LRRN2: variants seen among roughly 807,000 people sequenced by gnomAD.
LRRN2 encodes leucine-rich repeat neuronal protein 2.
Under a neutral mutation model 35.7 loss-of-function variants are expected in LRRN2, and 10 were observed. That is an observed-to-expected ratio of 0.28 (90% CI 0.17 to 0.47). The LOEUF (loss-of-function observed/expected upper bound fraction) is 0.47, where lower values mean the gene tolerates loss of function less well. Ranked by LOEUF, LRRN2 falls within the 20% of genes least tolerant of loss-of-function variation. The pLI is 0.99. For missense variants in LRRN2, 731 were observed against 940.3 expected, an observed-to-expected ratio of 0.78 and a Z score of 2.91; for synonymous variants, 391 against 409.6, an observed-to-expected ratio of 0.95 and a Z score of 0.55.
chr1:204,644,599 C>T (rs1013050005), intron 1 of LRRN2, among the ~76,000 whole-genome samples: 1 of 152,200 alleles, frequency 6.6e-6, no homozygotes, highest in African/African-American at 2.4e-5. Context: ...CAGTTGTCAT[C>T]TCCTTTGTGA....
In LRRN2 at chr1:204,634,859, G is replaced by T. The variant is rs144291188; in HGVS notation, c.-226-14641C>A. Among the ~76,000 whole-genome samples, 524 of 152,340 alleles carry T rather than the reference G, an allele frequency of 3.4e-3. 2 individuals are homozygous for T. The highest frequency in any genetic ancestry group is 7.9e-3 in the Admixed American group (121 of 15,304). ...TTACTAACTGTGCAAGCTTGGGCAA[G>T]ATGCTTTATTTCTATGAGCCTCAGT... On this transcript the variant is annotated intron_variant, in intron 1 of 1. Transcript: ENST00000367177.
At chr1:204,629,976 A>T (rs537459657) in intron 1 of LRRN2, among the ~76,000 whole-genome samples, 141 of 152,260 alleles carry the variant, frequency 9.3e-4, no homozygotes, top group African/African-American at 3.3e-3. Context: ...GGGGGTTAAA[A>T]ACCTATATAT....
rs189423986 is a variant in LRRN2, at chr1:204,647,642, A to C, written c.-226-27424T>G. On this transcript the variant is annotated intron_variant, in intron 1 of 1. Coordinates refer to ENST00000367177, the MANE Select transcript of LRRN2 (RefSeq NM_201630.2). ...CCCAAAGGAGAAGGGCTGGTCCCTG[A>C]GAGCAGTAGGAAGTGAAAGAGAAGC... is the stretch of plus-strand genomic sequence containing the variant. Among the ~76,000 whole-genome samples, 473 of 152,288 alleles carry C rather than the reference A, an allele frequency of 3.1e-3. 1 individual carries two copies. The highest frequency in any genetic ancestry group is 6.2e-3 in the African/African-American group (258 of 41,544).
At chr1:204,654,033 CAAAA>C (rs56179230) in intron 1 of LRRN2, among the ~76,000 whole-genome samples, 41 of 84,288 alleles carry the variant, frequency 4.9e-4, no homozygotes, top group South Asian at 8.8e-4. Flanking sequence ...GAGACCCTGA[CAAAA>C]AAAAAAAAAA....
rs60084787 is a variant in LRRN2, at chr1:204,671,403, TTGTGTG to T, written c.-227+13911_-227+13916del. Among the ~76,000 whole-genome samples the T allele has an allele frequency of 7.0e-4, 86 of 122,990 alleles. 1 individual carries two copies. The highest frequency in any genetic ancestry group is 2.5e-3 in the African/African-American group (83 of 33,762). 80.7% of individuals were successfully genotyped at this position (122,990 alleles called of 152,430 possible). A position where few individuals can be genotyped will look rare whatever the true frequency, so the allele number is the denominator to read the frequency against. On this transcript the variant is annotated intron_variant, in intron 1 of 1. Transcript: ENST00000367177. ...TAGAAGTAGCAATCTGTTTGTGTGT[TTGTGTG>T]TGTGTGTGTGTGTGTGTGTGTGTGT...
In LRRN2 at chr1:204,618,777, G is replaced by A. The variant is rs769165916; in HGVS notation, c.1216C>T (p.Leu406Phe). The A allele has an allele frequency of 6.2e-7, 1 of 1,613,684 alleles. No individual in the cohort carries two copies. The highest frequency in any genetic ancestry group is 8.5e-7 in the Non-Finnish European group (1 of 1,179,788). The change falls in exon 2 of 2, where the codon CTC becomes TTC. Residue 406 changes from leucine to phenylalanine, a missense_variant. Coordinates refer to ENST00000367177, the MANE Select transcript of LRRN2 (RefSeq NM_201630.2). The stretch of plus-strand genomic sequence containing the variant: ...CGGAAGGGCACCTCACGGACCGGGA[G>A]GCGCTGGAGGTCCGGAGGCTCCGCA... ...LCAEPPDLQR[L>F]PVREVPFREM...
At chr1:204,669,776 G>T (rs1398191338) in intron 1 of LRRN2, among the ~76,000 whole-genome samples, 4 of 152,222 alleles carry the variant, frequency 2.6e-5, no homozygotes, top group African/African-American at 9.6e-5. Flanking sequence ...AGAGTGCAGA[G>T]CATGAGGGAG....
At chr1:204,644,568 AT>A (rs1668059192) in intron 1 of LRRN2, among the ~76,000 whole-genome samples, 1 of 152,094 alleles carries the variant, frequency 6.6e-6, no homozygotes, top group African/African-American at 2.4e-5. Context: ...GGAGCTCATA[AT>A]TATCCTCCAA....
At chr1:204,653,391 C>T (rs1433012913) in intron 1 of LRRN2, among the ~76,000 whole-genome samples, 2 of 152,220 alleles carry the variant, frequency 1.3e-5, no homozygotes, top group African/African-American at 4.8e-5. Context: ...CTTCACACCT[C>T]TCTGATTTCT....
chr1:204,619,850 C>G lies in LRRN2; in HGVS notation c.143G>C (p.Arg48Pro), dbSNP rs746280603. ...RPWYTPRSSYREATTVDCNDL... is the reference protein window; with the variant it reads ...RPWYTPRSSYPEATTVDCNDL... ...ATTGCAGTCCACAGTGGTAGCCTCG[C>G]GGTAGGACGAGCGGGGCGTATACCA... Residue 48 changes from arginine (R) to proline (P), a missense_variant, in exon 2 of 2, where the codon CGC becomes CCC. Arg to Pro is a moderately radical substitution (Grantham distance 103). Around this residue, in one of 3 missense-constraint regions of LRRN2, gnomAD observed 246 missense variants for 289.5 expected, o/e 0.85. Coordinates refer to ENST00000367177, the MANE Select transcript of LRRN2 (RefSeq NM_201630.2). The G allele has an allele frequency of 6.2e-7, 1 of 1,613,564 alleles. No homozygotes were observed. The highest frequency in any genetic ancestry group is 1.7e-5 in the Admixed American group (1 of 59,984).
At chr1:204,622,826 A>G (rs1667012983) in intron 1 of LRRN2, among the ~76,000 whole-genome samples, 1 of 152,110 alleles carries the variant, frequency 6.6e-6, no homozygotes, top group Non-Finnish European at 1.5e-5. Context: ...TCGCGGCCCT[A>G]CCACTCACTA....
chr1:204,656,249 G>A (rs1668353493), intron 1 of LRRN2, among the ~76,000 whole-genome samples: 1 of 152,160 alleles, frequency 6.6e-6, no homozygotes, highest in African/African-American at 2.4e-5. Context: ...TCTCTGGCCT[G>A]CCCTTGGCTG....
intron 1 of LRRN2, among the ~76,000 whole-genome samples, chr1:204,638,123 A>C: frequency 1.8e-5 from 2 of 108,110 alleles, no homozygotes; most frequent in African/African-American, 3.6e-5. Flanking sequence ...CGCCCCGAAC[A>C]TCAGGCCTTG....
intron 1 of LRRN2, among the ~76,000 whole-genome samples, chr1:204,622,752 C>T (rs74868759): frequency 0.023 from 3,513 of 152,174 alleles, 112 homozygotes; most frequent in East Asian, 0.082. Context: ...ACCAGAGACC[C>T]CTGACTGCCA....
chr1:204,634,213 TG>T (rs1305842106), intron 1 of LRRN2, among the ~76,000 whole-genome samples: 1 of 152,220 alleles, frequency 6.6e-6, no homozygotes, highest in Non-Finnish European at 1.5e-5. Flanking sequence ...TGTAATAATT[TG>T]GGAAGAGCAG....
intron 1 of LRRN2, among the ~76,000 whole-genome samples, chr1:204,666,962 CAAAAAAA>C (rs34503593): frequency 1.2e-3 from 76 of 64,844 alleles, no homozygotes; most frequent in African/African-American, 4.2e-3. Context: ...ACTCTGTCTC[CAAAAAAA>C]AAAAAAAAAA....
intron 1 of LRRN2, among the ~76,000 whole-genome samples, chr1:204,670,565 C>T (rs1668687225): frequency 6.6e-6 from 1 of 151,854 alleles, no homozygotes; most frequent in Non-Finnish European, 1.5e-5. Context: ...CTGAGATGGC[C>T]CAGGGACAGA....
rs562858430 is a variant in LRRN2, at chr1:204,678,321, T to C, written c.-227+6999A>G. On this transcript the variant is annotated intron_variant, in intron 1 of 1. Coordinates refer to ENST00000367177, the MANE Select transcript of LRRN2 (RefSeq NM_201630.2). ...TCACACCCCACACTGCCTAGGACAG[T>C]GCTCAGAGCATCCTTGGTGGGGATG... Among the ~76,000 whole-genome samples the C allele has an allele frequency of 2.6e-5, 4 of 152,276 alleles. No individual in the cohort carries two copies. In the South Asian group the frequency reaches 8.3e-4, roughly 32 times the overall value.
At chr1:204,661,645 A>G (rs1668474185) in intron 1 of LRRN2, among the ~76,000 whole-genome samples, 1 of 152,208 alleles carries the variant, frequency 6.6e-6, no homozygotes, top group Non-Finnish European at 1.5e-5. Context: ...GGGCTTGAAC[A>G]TCTGCCCAGT....
Sources: allele counts gnomAD v4.1 joint callset (sites outside exome capture counted in the v4.1 genomes callset), GRCh38; gene constraint gnomAD v4.1.1; regional missense constraint gnomAD v4.1.1; transcripts MANE v1.5; gene names NCBI Gene and HGNC (gene_info 2026-07-23, HGNC 2026-07-21).